The following TAFA5 variants were observed in gnomAD, a reference collection of about 807,000 sequenced individuals.
The protein encoded by TAFA5 is chemokine-like protein TAFA-5.
TAFA5 carries 6 observed loss-of-function variants against 15.3 expected under a neutral mutation model. The ratio of observed to expected loss-of-function variants is 0.39; its 90% confidence interval spans 0.21 to 0.77. The LOEUF is 0.77. Among genes scored for constraint, TAFA5 ranks in the 30% least tolerant of loss-of-function variants. The pLI is 0.41. For missense variants in TAFA5, 161 were observed against 193.1 expected (o/e 0.83, Z 0.98); for synonymous variants, 103 against 80.7 (o/e 1.28, Z -1.48).
chr22:48,675,697 A>T (rs886360585), intron 2 of TAFA5, among the ~76,000 whole-genome samples: 1 of 152,256 alleles, frequency 6.6e-6, no homozygotes, highest in Admixed American at 6.5e-5. Context: ...GTCTCCAAGC[A>T]TCTGTCCTGG....
At chr22:48,675,738 C>T (rs1244330215) in intron 2 of TAFA5, among the ~76,000 whole-genome samples, 1 of 152,250 alleles carries the variant, frequency 6.6e-6, no homozygotes, top group Non-Finnish European at 1.5e-5. Flanking sequence ...GGGAGCCCCG[C>T]CTGCTGGCTG....
chr22:48,531,742 G>A (rs1016471384), intron 1 of TAFA5, among the ~76,000 whole-genome samples: 5 of 152,200 alleles, frequency 3.3e-5, no homozygotes, highest in African/African-American at 1.2e-4. Flanking sequence ...GGTTTGTACA[G>A]GGAGGTTGTC....
intron 3 of TAFA5, among the ~76,000 whole-genome samples, chr22:48,710,108 C>T (rs529290408): frequency 5.3e-5 from 8 of 152,246 alleles, no homozygotes; most frequent in African/African-American, 1.7e-4. Flanking sequence ...CAGGCACCAT[C>T]GGGGTCTTCA....
At chr22:48,579,099 G>A (rs1923932036) in intron 1 of TAFA5, among the ~76,000 whole-genome samples, 1 of 150,416 alleles carries the variant, frequency 6.6e-6, no homozygotes, top group Admixed American at 6.7e-5. Flanking sequence ...CCTTTTGTGT[G>A]GAGATAGAGG....
intron 1 of TAFA5, chr22:48,544,886 G>A (rs758527170): frequency 4.3e-6 from 2 of 469,822 alleles, no homozygotes; most frequent in Non-Finnish European, 8.8e-6. Context: ...CCAGACTCGG[G>A]GCTGAAGTCT....
At chr22:48,602,025 T>A (rs28460820) in intron 1 of TAFA5, among the ~76,000 whole-genome samples, 124,410 of 152,094 alleles carry the variant, frequency 0.82, 50,949 homozygotes, top group South Asian at 0.87. Context: ...CGCTGGTGGG[T>A]TAAGCCCTCA....
At chr22:48,685,822 A>G (rs1928335645) in intron 2 of TAFA5, among the ~76,000 whole-genome samples, 1 of 152,150 alleles carries the variant, frequency 6.6e-6, no homozygotes, top group African/African-American at 2.4e-5. Context: ...TGCCGGCTGC[A>G]TCCATCACCA....
chr22:48,724,186 C>T (rs1160199979), intron 3 of TAFA5, among the ~76,000 whole-genome samples: 2 of 151,236 alleles, frequency 1.3e-5, no homozygotes, highest in South Asian at 2.1e-4. Context: ...TCGGGGTTCT[C>T]GTTGCATTGC....
In TAFA5 at chr22:48,490,778, C is replaced by CAA. The variant is rs377764643; in HGVS notation, c.112+1089_112+1090dup. On this transcript the variant is annotated intron_variant, in intron 1 of 3. Transcript: ENST00000402357. The surrounding 1 kb of genome is among the most constrained non-coding windows in gnomAD (Gnocchi z 5.8). ...GTGATGGAAAAATATGGATTCTTTA[C>CAA]AAAAAAAAAAAAAAAAGGCCAGCAC... Among the ~76,000 whole-genome samples the CAA allele has an allele frequency of 3.6e-5, 3 of 83,506 alleles. No homozygotes were observed. Among genetic ancestry groups the CAA allele is most frequent in the African/African-American group, 9.4e-5 (2 of 21,382 alleles). The allele number at this position is 83,506 out of a possible 152,430, so 54.8% of individuals were successfully genotyped here.
In TAFA5 at chr22:48,612,299, T is replaced by G. The variant is rs920368172; in HGVS notation, c.113-34298T>G. ...CGCAGCACAGGGCGGCTCACTTGCA[T>G]GTTCAAGTGTAATCAAGGCGAGCCT... is the stretch of plus-strand genomic sequence containing the variant. On this transcript the variant is annotated intron_variant, in intron 1 of 3. Coordinates refer to ENST00000402357, the MANE Select transcript of TAFA5 (RefSeq NM_001082967.3). Among the ~76,000 whole-genome samples, 3 of 152,214 alleles carry G rather than the reference T, an allele frequency of 2.0e-5. No individual in the cohort carries two copies. The East Asian group carries it at 5.8e-4, about 29-fold the overall frequency.
chr22:48,640,511 C>T (rs76500988), intron 1 of TAFA5, among the ~76,000 whole-genome samples: 3,104 of 152,148 alleles, frequency 0.02, 75 homozygotes, highest in South Asian at 0.11. Flanking sequence ...ACGTGGTCTC[C>T]CTTTTTGGCT....
At chr22:48,626,097 GA>G (rs143744385) in intron 1 of TAFA5, among the ~76,000 whole-genome samples, 4,929 of 152,274 alleles carry the variant, frequency 0.032, 121 homozygotes, top group Non-Finnish European at 0.049. Flanking sequence ...TTCACCTGTT[GA>G]AAAGTTTCTT....
chr22:48,540,301 T>TG (rs1922318427), intron 1 of TAFA5, among the ~76,000 whole-genome samples: 1 of 150,694 alleles, frequency 6.6e-6, no homozygotes, highest in Admixed American at 6.6e-5. Flanking sequence ...ACCAGGGCGG[T>TG]GGGGGGAGGT....
intron 2 of TAFA5, among the ~76,000 whole-genome samples, chr22:48,653,085 C>T (rs150305375): frequency 7.2e-4 from 109 of 152,338 alleles, no homozygotes; most frequent in Middle Eastern, 6.8e-3. Context: ...CATACATCTC[C>T]GCGCAGACTG....
At chr22:48,696,290 A>T (rs1928709561) in intron 2 of TAFA5, among the ~76,000 whole-genome samples, 2 of 152,160 alleles carry the variant, frequency 1.3e-5, no homozygotes, top group Non-Finnish European at 2.9e-5. Flanking sequence ...TTCCGGCCAG[A>T]TGTAGCATAG....
chr22:48,645,032 C>T (rs9617404), intron 1 of TAFA5, among the ~76,000 whole-genome samples: 32,328 of 152,250 alleles, frequency 0.21, 3,796 homozygotes, highest in Non-Finnish European at 0.26. Flanking sequence ...CTTTTCTAAC[C>T]GCCGTGGCCC....
chr22:48,740,336 C>T (rs1380906247), intron 3 of TAFA5, among the ~76,000 whole-genome samples: 3 of 152,210 alleles, frequency 2.0e-5, no homozygotes, highest in East Asian at 1.9e-4. Context: ...CCAGCCTCCC[C>T]GCATTGGCTG....
At chr22:48,673,720 G>A (rs944994887) in intron 2 of TAFA5, among the ~76,000 whole-genome samples, 1 of 152,204 alleles carries the variant, frequency 6.6e-6, no homozygotes, top group African/African-American at 2.4e-5. Flanking sequence ...TATGTAGGAG[G>A]TGAGGGAGGG....
chr22:48,654,404 G>A (rs1927164687), intron 2 of TAFA5, among the ~76,000 whole-genome samples: 1 of 152,208 alleles, frequency 6.6e-6, no homozygotes, highest in South Asian at 2.1e-4. Context: ...TTTGGAAGGA[G>A]CACGCCTGCT....
Sources: gnomAD v4.1 joint callset for allele counts (sites outside exome capture counted in the v4.1 genomes callset) on GRCh38, gnomAD v4.1.1 for gene constraint, Gnocchi (gnomAD v3.1) non-coding constraint, MANE v1.5 for transcripts, NCBI Gene and HGNC (gene_info 2026-07-23, HGNC 2026-07-21) for gene names.